EIF4ENIF1: variants seen among roughly 807,000 people sequenced by gnomAD.
EIF4ENIF1 encodes the protein eukaryotic translation initiation factor 4E nuclear import factor 1.
Under a neutral mutation model 110.5 loss-of-function variants are expected in EIF4ENIF1, and 23 were observed. The observed-to-expected ratio is 0.21, with a 90% CI of 0.15 to 0.29. The LOEUF (loss-of-function observed/expected upper bound fraction) is 0.29. Ranked by LOEUF, EIF4ENIF1 falls within the 10% of genes least tolerant of loss-of-function variation. The probability of loss-of-function intolerance (pLI) is 1.00; values close to 1 mark genes in which losing one functional copy is unlikely to be tolerated. For synonymous variants in EIF4ENIF1, 440 were observed against 437.0 expected (o/e 1.01, Z -0.09); for missense variants, 1,031 against 1,221.1 (o/e 0.84, Z 2.32).
At chr22:31,459,837 T>A (rs1283916572) in intron 6 of EIF4ENIF1, among the ~76,000 whole-genome samples, 2 of 152,218 alleles carry the variant, frequency 1.3e-5, no homozygotes, top group Non-Finnish European at 2.9e-5. Flanking sequence ...GACCCCTGGA[T>A]TCTACTCCAG....
In EIF4ENIF1 at chr22:31,463,233, T is replaced by G. The variant is rs183540680; in HGVS notation, c.586-100A>C. 650 of 1,162,214 alleles carry G rather than the reference T, an allele frequency of 5.6e-4. 3 individuals carry two copies. In the African/African-American group the frequency reaches 8.7e-3, roughly 15 times the overall value. 72.0% of individuals were successfully genotyped at this position (1,162,214 alleles called of 1,614,324 possible). ...AATGTTCAATAGTGAAAGGAAGATA[T>G]GATGCTGTATACCTGAGGCCCATCA... On this transcript the variant is annotated intron_variant, in intron 5 of 18. Transcript: ENST00000330125.
At chr22:31,474,109 G>A (rs1261198711) in intron 2 of EIF4ENIF1, among the ~76,000 whole-genome samples, 2 of 151,402 alleles carry the variant, frequency 1.3e-5, no homozygotes, top group African/African-American at 4.9e-5. Flanking sequence ...CCAGGCTGGA[G>A]TGCACTGGCG....
chr22:31,440,078 G>A lies in EIF4ENIF1; in HGVS notation c.2760C>T (p.Ser920=), dbSNP rs776704806. The A allele has an allele frequency of 5.0e-6, 8 of 1,614,146 alleles. No homozygotes were observed. The highest frequency in any genetic ancestry group is 3.3e-5 in the Admixed American group (2 of 60,022). The change falls in exon 19 of 19, where the codon AGC becomes AGT. Residue 920 remains serine, a synonymous_variant. Coordinates refer to ENST00000330125, the MANE Select transcript of EIF4ENIF1 (RefSeq NM_019843.4). ...GCACGTTCTGAGGGGTTGTCTGAAC[G>A]CTGACAGCTGCTGCATGGGAACCAG... The part of the protein sequence containing the change: ...PGSGSHAAAV[S]VQTTPQNVPS...
chr22:31,450,831 CATAT>C (rs139052348), intron 10 of EIF4ENIF1: 6 of 151,746 alleles, frequency 4.0e-5, no homozygotes, highest in Admixed American at 6.6e-5. Context: ...TACATACACA[CATAT>C]ATATATACTA....
chr22:31,482,567 A>C (rs1286299073), intron 2 of EIF4ENIF1, among the ~76,000 whole-genome samples: 2 of 152,106 alleles, frequency 1.3e-5, no homozygotes, highest in Non-Finnish European at 2.9e-5. Context: ...CTGTAATCCC[A>C]GCTACTCAGG....
chr22:31,453,517 G>A (rs1374008708), intron 10 of EIF4ENIF1: 1 of 219,168 alleles, frequency 4.6e-6, no homozygotes, highest in Non-Finnish European at 9.4e-6. Flanking sequence ...TGAGATTACA[G>A]GCGCATGCCC....
chr22:31,463,977 C>A lies in EIF4ENIF1; in HGVS notation c.299-10G>T. On this transcript the variant is annotated splice_polypyrimidine_tract_variant and intron_variant, in intron 4 of 18. Coordinates refer to ENST00000330125, the MANE Select transcript of EIF4ENIF1 (RefSeq NM_019843.4). ...ACACGCTCTCGTGGATCTGGAAGGA[C>A]GTGGGAAAGACAAAGTTAAACAAAC... 1 of 1,605,952 alleles carries A rather than the reference C, an allele frequency of 6.2e-7. No individual in the cohort carries two copies. Among genetic ancestry groups the A allele is most frequent in the South Asian group, 1.1e-5 (1 of 90,778 alleles).
intron 6 of EIF4ENIF1, among the ~76,000 whole-genome samples, chr22:31,461,123 A>C (rs887143126): frequency 3.9e-5 from 6 of 152,212 alleles, no homozygotes; most frequent in African/African-American, 1.4e-4. Context: ...GTAACCCTTA[A>C]GTTATGATAG....
intron 15 of EIF4ENIF1, chr22:31,443,514 TCTC>T (rs1254180442): frequency 6.1e-6 from 1 of 163,538 alleles, no homozygotes; most frequent in Non-Finnish European, 1.3e-5. Flanking sequence ...ATCTCAATAG[TCTC>T]CTCAGCCATC....
intron 2 of EIF4ENIF1, among the ~76,000 whole-genome samples, chr22:31,478,808 C>T (rs62236225): frequency 0.043 from 6,571 of 151,856 alleles, 126 homozygotes; most frequent in African/African-American, 0.05. Flanking sequence ...AAAAATTAGC[C>T]GGGCGTGGTG....
chr22:31,452,955 G>T (rs570532988), intron 10 of EIF4ENIF1, among the ~76,000 whole-genome samples: 19 of 152,126 alleles, frequency 1.2e-4, no homozygotes, highest in South Asian at 1.2e-3. Flanking sequence ...GCTTTCTTTT[G>T]GTATAAGACA....
At chr22:31,491,782 A>T (rs1248507849), upstream of EIF4ENIF1, among the ~76,000 whole-genome samples, 1 of 152,004 alleles carries the variant, frequency 6.6e-6, no homozygotes, top group Non-Finnish European at 1.5e-5. Context: ...GCCTCAAGTG[A>T]TCCTCCTGCC....
chr22:31,456,378 C>T (rs936236622), intron 7 of EIF4ENIF1, among the ~76,000 whole-genome samples: 15 of 151,936 alleles, frequency 9.9e-5, no homozygotes, highest in South Asian at 2.1e-4. Flanking sequence ...CGCCTGCCAC[C>T]ACGCCCGGCT....
intron 17 of EIF4ENIF1, among the ~76,000 whole-genome samples, 160 bp downstream of exon 17, chr22:31,441,614 G>A (rs962668709): frequency 1.3e-5 from 2 of 151,448 alleles, no homozygotes; most frequent in African/African-American, 4.9e-5. Flanking sequence ...AAGGACTAGG[G>A]GATTGACTGG....
chr22:31,493,318 C>T (rs1233532532), upstream of EIF4ENIF1, among the ~76,000 whole-genome samples: 2 of 152,128 alleles, frequency 1.3e-5, no homozygotes, highest in Non-Finnish European at 1.5e-5. Flanking sequence ...TGTGAGCCAC[C>T]GCGCCTGGCC....
rs766323100 is a variant in EIF4ENIF1, at chr22:31,454,383, A to G, written c.1280-7T>C. The stretch of plus-strand genomic sequence containing the variant: ...AGCACAACCCCTGAATGTGCTGAGA[A>G]GTTGAGAACGTCCAGGTTAAATCAA... On this transcript the variant is annotated splice_polypyrimidine_tract_variant and splice_region_variant and intron_variant, in intron 9 of 18. Coordinates refer to ENST00000330125, the MANE Select transcript of EIF4ENIF1 (RefSeq NM_019843.4). 1 of 1,613,012 alleles carries G rather than the reference A, an allele frequency of 6.2e-7. No individual in the cohort carries two copies. Among genetic ancestry groups the G allele is most frequent in the African/African-American group, 1.3e-5 (1 of 75,024 alleles).
intron 3 of EIF4ENIF1, among the ~76,000 whole-genome samples, chr22:31,470,760 G>A (rs779216085): frequency 9.9e-5 from 14 of 141,206 alleles, no homozygotes; most frequent in Non-Finnish European, 1.5e-4. Flanking sequence ...ATAATTCACT[G>A]CATCCTCAAG....
At chr22:31,456,424 C>A (rs932719145) in intron 7 of EIF4ENIF1, among the ~76,000 whole-genome samples, 56 of 151,884 alleles carry the variant, frequency 3.7e-4, no homozygotes, top group East Asian at 2.1e-3. Context: ...GGGGTTTTAC[C>A]GTGTTAGCCA....
chr22:31,471,353 C>T (rs1297251606), intron 3 of EIF4ENIF1, among the ~76,000 whole-genome samples: 2 of 149,908 alleles, frequency 1.3e-5, no homozygotes, highest in Non-Finnish European at 1.5e-5. Flanking sequence ...CTCGCACTGT[C>T]GCCCAGGCTG....
Sources: allele counts gnomAD v4.1 joint callset (sites outside exome capture counted in the v4.1 genomes callset), GRCh38; gene constraint gnomAD v4.1.1; transcripts MANE v1.5; gene names NCBI Gene and HGNC (gene_info 2026-07-23, HGNC 2026-07-21).